MYO1D: variants seen among roughly 807,000 people sequenced by gnomAD.
The protein encoded by MYO1D is myosin ID.
In MYO1D, 83 loss-of-function variants were observed where a neutral mutation model predicts 122.0. The ratio of observed to expected loss-of-function variants is 0.68; its 90% CI spans 0.57 to 0.82. The LOEUF is 0.82. Among genes scored for constraint, MYO1D ranks in the 40% least tolerant of loss-of-function variants. MYO1D has a pLI of 0.00. For missense variants in MYO1D, 1,157 were observed against 1,269.5 expected, an observed-to-expected ratio of 0.91 and a Z score of 1.35; for synonymous variants, 464 against 446.9, an observed-to-expected ratio of 1.04 and a Z score of -0.48.
intron 1 of MYO1D, among the ~76,000 whole-genome samples, chr17:32,802,026 C>T (rs1432552006): frequency 6.6e-6 from 1 of 152,196 alleles, no homozygotes; most frequent in Non-Finnish European, 1.5e-5. Flanking sequence ...TATCTGTTCT[C>T]AGTCTTGGCT....
chr17:32,549,164 C>T (rs225195), intron 21 of MYO1D, among the ~76,000 whole-genome samples: 73,285 of 151,678 alleles, frequency 0.48, 17,931 homozygotes, highest in East Asian at 0.54. Flanking sequence ...GCCATCTCAG[C>T]TCACTGCAAT....
intron 16 of MYO1D, 131 bp downstream of exon 16, chr17:32,711,857 C>T: frequency 1.3e-6 from 1 of 757,884 alleles, no homozygotes; most frequent in South Asian, 2.4e-5. Context: ...CAACAGAAAA[C>T]ATTTTAAGAT....
At chr17:32,754,955 G>A (rs2089932536) in intron 11 of MYO1D, among the ~76,000 whole-genome samples, 1 of 152,144 alleles carries the variant, frequency 6.6e-6, no homozygotes, top group Non-Finnish European at 1.5e-5. Context: ...CTGAAAAATG[G>A]AGAGTTAAAA....
intron 1 of MYO1D, among the ~76,000 whole-genome samples, chr17:32,824,164 T>C (rs757021482): frequency 1.3e-5 from 2 of 151,016 alleles, no homozygotes; most frequent in Non-Finnish European, 2.9e-5. Flanking sequence ...TAAATTGTCA[T>C]ATAAAACCAT....
At chr17:32,626,280 C>A (rs546604125) in intron 20 of MYO1D, among the ~76,000 whole-genome samples, 1 of 152,312 alleles carries the variant, frequency 6.6e-6, no homozygotes, top group Admixed American at 6.5e-5. Context: ...CCTATTATTG[C>A]CGCAGCTTAG....
intron 2 of MYO1D, 141 bp downstream of exon 2, chr17:32,780,435 G>A (rs1443822070): frequency 2.3e-5 from 17 of 754,062 alleles, no homozygotes; most frequent in South Asian, 5.4e-5. Context: ...GGTATTTAAC[G>A]TTCATCACTT....
At chr17:32,632,491 A>C (rs998541425) in intron 20 of MYO1D, 1 of 151,228 alleles carries the variant, frequency 6.6e-6, no homozygotes. Flanking sequence ...TATATGCTGC[A>C]TTCGTGTATG....
At chr17:32,664,578 G>A (rs1296665720) in intron 16 of MYO1D, among the ~76,000 whole-genome samples, 3 of 152,174 alleles carry the variant, frequency 2.0e-5, no homozygotes, top group Non-Finnish European at 4.4e-5. Flanking sequence ...AGGATATGAG[G>A]CCAGAGGAGT....
chr17:32,642,924 C>T (rs2088225603), intron 19 of MYO1D, among the ~76,000 whole-genome samples: 1 of 152,176 alleles, frequency 6.6e-6, no homozygotes, highest in Non-Finnish European at 1.5e-5. Context: ...ATTTCTTTCT[C>T]CTGCCTGATT....
chr17:32,710,924 T>C (rs576996646), intron 16 of MYO1D, among the ~76,000 whole-genome samples: 1 of 152,310 alleles, frequency 6.6e-6, no homozygotes, highest in African/African-American at 2.4e-5. Flanking sequence ...AAGATACTGG[T>C]AGGGATATGG....
intron 16 of MYO1D, among the ~76,000 whole-genome samples, chr17:32,699,121 C>T (rs981809101): frequency 2.6e-5 from 4 of 152,004 alleles, no homozygotes; most frequent in African/African-American, 7.3e-5. Flanking sequence ...TGTGTCATCA[C>T]GCCCGGCTAA....
chr17:32,530,706 C>T (rs1020971740), intron 21 of MYO1D, among the ~76,000 whole-genome samples: 9 of 151,984 alleles, frequency 5.9e-5, no homozygotes, highest in African/African-American at 1.9e-4. Context: ...GAGGCTGAGG[C>T]GGGAGGATCT....
At chr17:32,634,595 T>C (rs537974626) in intron 20 of MYO1D, among the ~76,000 whole-genome samples, 1 of 152,308 alleles carries the variant, frequency 6.6e-6, no homozygotes, top group South Asian at 2.1e-4. Flanking sequence ...TGGAGGCAGT[T>C]AAGGAAACAG....
At chr17:32,770,855 G>A (rs2090105866) in intron 6 of MYO1D, among the ~76,000 whole-genome samples, 1 of 152,114 alleles carries the variant, frequency 6.6e-6, no homozygotes, top group Non-Finnish European at 1.5e-5. Flanking sequence ...ACGGAATAGG[G>A]ATAGGATTAA....
intron 1 of MYO1D, among the ~76,000 whole-genome samples, chr17:32,840,840 G>C (rs2151073594): frequency 6.6e-6 from 1 of 152,340 alleles, no homozygotes; most frequent in Middle Eastern, 3.4e-3. Context: ...AATGTCTTGT[G>C]CAGATGATCC....
rs200717040 is a variant in MYO1D at position 32,864,548 on chromosome 17, G to GAAAAAAA, written c.95+12223_95+12229dup. On this transcript the variant is annotated intron_variant, in intron 1 of 21. Transcript: ENST00000318217. The stretch of plus-strand genomic sequence containing the variant: ...CTTCACATGTCTGAGTTCTACGAAT[G>GAAAAAAA]AAAAAAAAAAAAAAAAAAAAAAAGG... Among the ~76,000 whole-genome samples the GAAAAAAA allele has an allele frequency of 4.9e-4, 36 of 72,988 alleles. 2 individuals are homozygous for GAAAAAAA. Among genetic ancestry groups the GAAAAAAA allele is most frequent in the African/African-American group, 1.3e-3 (26 of 19,756 alleles). 47.9% of individuals were successfully genotyped at this position (72,988 alleles called of 152,430 possible).
At chr17:32,495,598 T>C (rs959878478) in intron 21 of MYO1D, 1 of 152,366 alleles carries the variant, frequency 6.6e-6, no homozygotes, top group Admixed American at 6.5e-5. Context: ...GCGGAAGCTG[T>C]GCTCTTCCTG....
rs186078273 is a variant in MYO1D at position 32,776,153 on chromosome 17, A to C, written c.399-124T>G. ...AGATGCTAACTCCAGCACTGTTTGC[A>C]ATATCAAAAAAAAAACAAACAAATT... On this transcript the variant is annotated intron_variant, in intron 3 of 21. Transcript: ENST00000318217. The C allele has an allele frequency of 2.1e-4, 170 of 794,104 alleles. No homozygotes were observed. The African/African-American group carries it at 2.7e-3, about 13-fold the overall frequency. The allele number at this position is 794,104 out of a possible 1,614,324, so 49.2% of individuals were successfully genotyped here. A position where few individuals can be genotyped will look rare whatever the true frequency, so the allele number is the denominator to read the frequency against.
At chr17:32,806,457 G>A (rs28525338) in intron 1 of MYO1D, among the ~76,000 whole-genome samples, 5,427 of 152,062 alleles carry the variant, frequency 0.036, 317 homozygotes, top group African/African-American at 0.12. Flanking sequence ...TTAACTTCCC[G>A]GGCTCAAGTG....
Sources: allele counts gnomAD v4.1 joint callset (sites outside exome capture counted in the v4.1 genomes callset), GRCh38; gene constraint gnomAD v4.1.1; transcripts MANE v1.5; gene names NCBI Gene and HGNC (gene_info 2026-07-23, HGNC 2026-07-21).